The following PTPRB variants were observed in gnomAD, a reference collection of about 807,000 sequenced individuals.
PTPRB encodes receptor-type tyrosine-protein phosphatase beta.
In PTPRB, 97 loss-of-function variants were observed where a neutral mutation model predicts 238.1. The ratio of observed to expected loss-of-function variants is 0.41; its 90% CI spans 0.35 to 0.48. PTPRB has a LOEUF of 0.48. Ranked by LOEUF, PTPRB falls within the 20% of genes least tolerant of loss-of-function variation. The pLI is 0.30. For missense variants in PTPRB, 2,292 were observed against 2,681.9 expected, an observed-to-expected ratio of 0.85 and a Z score of 3.21; for synonymous variants, 970 against 995.4, an observed-to-expected ratio of 0.97 and a Z score of 0.48.
At chr12:70,591,934 T>C (rs538342201) in intron 7 of PTPRB, 83 of 274,304 alleles carry the variant, frequency 3.0e-4, no homozygotes, top group Non-Finnish European at 5.2e-4. Context: ...GGACATAAAT[T>C]AATAAAATAA....
chr12:70,532,621 C>CTT (rs1873457387), intron 31 of PTPRB, among the ~76,000 whole-genome samples: 1 of 151,726 alleles, frequency 6.6e-6, no homozygotes, highest in Non-Finnish European at 1.5e-5. Context: ...TTCCTTCTTT[C>CTT]TTTCTCTCTC....
At chr12:70,601,135 G>A (rs1333721458) in intron 4 of PTPRB, among the ~76,000 whole-genome samples, 2 of 152,010 alleles carry the variant, frequency 1.3e-5, no homozygotes, top group Non-Finnish European at 2.9e-5. Flanking sequence ...CAAAGTGCTG[G>A]GATTACAAGC....
chr12:70,558,023 G>T (rs1175315909), intron 18 of PTPRB, among the ~76,000 whole-genome samples: 1 of 152,154 alleles, frequency 6.6e-6, no homozygotes, highest in Admixed American at 6.5e-5. Context: ...ACTGCAGCTG[G>T]CTGTGGGGGA....
At chr12:70,615,804 C>T (rs1029820440) in intron 3 of PTPRB, among the ~76,000 whole-genome samples, 1 of 152,166 alleles carries the variant, frequency 6.6e-6, no homozygotes, top group Admixed American at 6.5e-5. Flanking sequence ...CCTAGGATAG[C>T]AGACAAATAA....
chr12:70,637,364 G>A lies in PTPRB; in HGVS notation c.32C>T (p.Thr11Ile). 6.2e-7 allele frequency: 1 copy of A among 1,609,272 alleles called. No homozygotes were observed. Residue 11 changes from threonine to isoleucine, a missense_variant, in exon 1 of 34, where the codon ACC becomes ATC. Physicochemically the swap from Thr to Ile is moderately conservative, Grantham distance 89. Coordinates refer to ENST00000334414, the MANE Select transcript of PTPRB (RefSeq NM_001109754.4). MEAEFYMVIL[T>I]CLIFRNSEGF... ...ACCTGAGTTCCTGAAGATCAAGCAG[G>A]TAAGAATCACCATGTAAAATTCAGC...
At position 70,596,340 on chromosome 12, in the gene PTPRB, T is replaced by C. The variant is rs773076979; in HGVS notation, c.980-13A>G. ...GGAGGTAAAGGATCTGCAAGGCAAA[T>C]ACACACACACACACAAAAAAAAAAA... On this transcript the variant is annotated splice_polypyrimidine_tract_variant and intron_variant, in intron 4 of 33. Coordinates refer to ENST00000334414, the MANE Select transcript of PTPRB (RefSeq NM_001109754.4). 8 of 1,265,284 alleles carry C rather than the reference T, an allele frequency of 6.3e-6. No individual in the cohort carries two copies. The highest frequency in any genetic ancestry group is 5.8e-5 in the East Asian group (2 of 34,674). 78.4% of individuals were successfully genotyped at this position (1,265,284 alleles called of 1,614,324 possible).
At chr12:70,573,084 A>G (rs149239629) in intron 11 of PTPRB, among the ~76,000 whole-genome samples, 155 of 152,308 alleles carry the variant, frequency 1.0e-3, no homozygotes, top group African/African-American at 3.7e-3. Context: ...ACACAAAAAT[A>G]TGGATTTCTT....
chr12:70,536,753 C>T (rs1036942075), intron 28 of PTPRB, among the ~76,000 whole-genome samples: 1 of 152,214 alleles, frequency 6.6e-6, no homozygotes, highest in African/African-American at 2.4e-5. Context: ...CTTTGCCTTT[C>T]CTCAGGGTCT....
chr12:70,558,876 T>C, intron 18 of PTPRB: 1 of 177,530 alleles, frequency 5.6e-6, no homozygotes, highest in Non-Finnish European at 1.2e-5. Context: ...TCTGTTCCCC[T>C]ATTGGTAGAT....
At position 70,613,918 on chromosome 12, in the gene PTPRB, G is replaced by A. The variant is rs185921888; in HGVS notation, c.709-4579C>T. On this transcript the variant is annotated intron_variant, in intron 3 of 33. Transcript: ENST00000334414. ...TAAATACTATCCTGGAAGGGAAGAG[G>A]GGAAAGAGAAGAGAAAAAAGAGGGA... 1.6e-4 allele frequency among the ~76,000 whole-genome samples: 24 copies of A among 152,096 alleles called. No individual in the cohort carries two copies. The East Asian group carries it at 3.1e-3, about 20-fold the overall frequency.
intron 18 of PTPRB, among the ~76,000 whole-genome samples, chr12:70,556,973 T>A (rs1236893673): frequency 6.6e-6 from 1 of 152,112 alleles, no homozygotes; most frequent in East Asian, 1.9e-4. Flanking sequence ...CAAATGGAAA[T>A]GAGTCCAAAA....
chr12:70,551,461 T>C (rs1876868124), intron 21 of PTPRB, among the ~76,000 whole-genome samples: 1 of 152,200 alleles, frequency 6.6e-6, no homozygotes, highest in African/African-American at 2.4e-5. Context: ...GAAAAACATC[T>C]GTCTGACTTT....
chr12:70,596,213 A>T lies in PTPRB; in HGVS notation c.1094T>A (p.Phe365Tyr). Residue 365 changes from phenylalanine to tyrosine, a missense_variant, in exon 5 of 34, where the codon TTT becomes TAT. Phe to Tyr is a conservative substitution (Grantham distance 22). Transcript: ENST00000334414. ...CTGTATCTTTTGGTTATTTTCATCA[A>T]ATAATTGCACCTCATATGAGGTGAC... Reference protein sequence around the residue: ...GKVTSYEVQLFDENNQKIQGV... With the variant: ...GKVTSYEVQLYDENNQKIQGV... 1.9e-6 allele frequency: 3 copies of T among 1,613,734 alleles called. No individual in the cohort carries two copies. The South Asian group carries it at 3.3e-5, about 18-fold the overall frequency.
At chr12:70,569,550 A>G in intron 14 of PTPRB, 125 bp downstream of exon 14, 4 of 1,159,198 alleles carry the variant, frequency 3.5e-6, no homozygotes, top group Non-Finnish European at 3.7e-6. Flanking sequence ...TCTTGAAACC[A>G]TTGAATTGTA....
rs80321853 is a variant in PTPRB at position 70,539,996 on chromosome 12, C to T, written c.5621G>A (p.Arg1874His). ...VSHGRERPSARLSIRRDRPLS... is the reference protein window; with the variant it reads ...VSHGRERPSAHLSIRRDRPLS... ...TGGTCGATCCCTACGAATGCTCAGA[C>T]GGGCAGAGGGTCTTTCTCGACCATG... The change falls in exon 24 of 34, where the codon CGT becomes CAT. Residue 1874 changes from arginine (R) to histidine (H), a missense_variant. Transcript: ENST00000334414. 8.3e-3 allele frequency: 13,423 copies of T among 1,610,408 alleles called. 87 individuals carry two copies. Among genetic ancestry groups the T allele is most frequent in the Non-Finnish European group, 9.8e-3 (11,513 of 1,176,740 alleles).
intron 2 of PTPRB, among the ~76,000 whole-genome samples, chr12:70,626,782 C>CGT (rs371161024): frequency 3.3e-5 from 5 of 151,398 alleles, no homozygotes; most frequent in South Asian, 2.1e-4. Context: ...CACATACACA[C>CGT]GTGTGTGTGT....
chr12:70,568,654 T>C (rs1244375184), intron 14 of PTPRB, among the ~76,000 whole-genome samples: 1 of 152,088 alleles, frequency 6.6e-6, no homozygotes, highest in East Asian at 1.9e-4. Flanking sequence ...CAGATATAGA[T>C]ATAAATATAG....
intron 7 of PTPRB, among the ~76,000 whole-genome samples, chr12:70,590,744 C>G (rs1423596687): frequency 6.6e-6 from 1 of 151,864 alleles, no homozygotes; most frequent in Non-Finnish European, 1.5e-5. Context: ...AAGCCATCCT[C>G]TCTCCTTCCC....
intron 3 of PTPRB, among the ~76,000 whole-genome samples, chr12:70,612,624 T>C (rs573826896): frequency 2.0e-5 from 3 of 151,586 alleles, no homozygotes; most frequent in East Asian, 1.9e-4. Flanking sequence ...ATGGGAAGGG[T>C]GGGGCTGCTT....
Sources: allele counts gnomAD v4.1 joint callset (sites outside exome capture counted in the v4.1 genomes callset), GRCh38; gene constraint gnomAD v4.1.1; transcripts MANE v1.5; gene names NCBI Gene and HGNC (gene_info 2026-07-23, HGNC 2026-07-21).